The following AZGP1 variants were observed in gnomAD, a reference collection of about 807,000 sequenced individuals.
AZGP1 encodes the protein alpha-2-glycoprotein 1, zinc-binding.
In AZGP1, 28 loss-of-function variants were observed where a neutral mutation model predicts 31.5. That is an observed-to-expected ratio of 0.89 (90% CI 0.66 to 1.22). The LOEUF is 1.22. Ranked by LOEUF, AZGP1 falls within the 50% of genes most tolerant of loss-of-function variation. AZGP1 has a pLI of 0.00. For synonymous variants in AZGP1, 135 were observed against 145.4 expected (o/e 0.93, Z 0.51); for missense variants, 361 against 371.8 (o/e 0.97, Z 0.24).
intron 2 of AZGP1, chr7:99,968,709 T>G (rs1789531787): frequency 2.3e-6 from 1 of 435,860 alleles, no homozygotes. Flanking sequence ...ATGCCTGTAA[T>G]CCCAGCACTT....
At position 99,971,049 on chromosome 7, in the gene AZGP1, TCTAA is replaced by T. The variant is rs1310212558; in HGVS notation, c.337+693_337+696del. Among the ~76,000 whole-genome samples, 7 of 152,304 alleles carry T rather than the reference TCTAA, an allele frequency of 4.6e-5. No individual in the cohort carries two copies. In the South Asian group the frequency reaches 1.2e-3, roughly 27 times the overall value. On this transcript the variant is annotated intron_variant, in intron 2 of 3. Coordinates refer to ENST00000292401, the MANE Select transcript of AZGP1 (RefSeq NM_001185.4). ...GAGGAACTTTAGGGCTCCAAGGAAC[TCTAA>T]CAGCCCACAGTTTTGAATCCAGCAC...
At chr7:99,970,407 C>T (rs533014059) in intron 2 of AZGP1, among the ~76,000 whole-genome samples, 35 of 151,920 alleles carry the variant, frequency 2.3e-4, no homozygotes, top group Non-Finnish European at 4.4e-4. Flanking sequence ...CCATGCCAGG[C>T]TATTTTTGTA....
intron 1 of AZGP1, among the ~76,000 whole-genome samples, chr7:99,974,243 C>T (rs1052873260): frequency 2.6e-5 from 4 of 151,912 alleles, no homozygotes; most frequent in African/African-American, 7.3e-5. Context: ...GAACAAGAAT[C>T]CATCTCAAAA....
chr7:99,968,517 C>A, intron 2 of AZGP1, 87 bp from the exon 3 acceptor site: 2 of 1,522,570 alleles, frequency 1.3e-6, no homozygotes. Context: ...ATTGGGCAAC[C>A]CAAAAGAAAT....
intron 3 of AZGP1, 115 bp downstream of exon 3, chr7:99,968,040 G>A (rs534040497): frequency 2.2e-6 from 3 of 1,337,628 alleles, no homozygotes; most frequent in East Asian, 2.3e-5. Flanking sequence ...GAAAGCTGGG[G>A]GTCTGAGGGA....
At position 99,966,983 on chromosome 7, in the gene AZGP1, T is replaced by C. The variant is rs922305541; in HGVS notation, c.*20A>G. The C allele has an allele frequency of 1.9e-6, 3 of 1,607,814 alleles. No homozygotes were observed. Among genetic ancestry groups the C allele is most frequent in the African/African-American group, 1.3e-5 (1 of 74,908 alleles). Reference sequence around the variant, plus strand: ...CAGCTACTGGGTCTGAGATCCCACATTGCCTCCAACCCTTGCTTCCTAGCT... The same window carrying C: ...CAGCTACTGGGTCTGAGATCCCACACTGCCTCCAACCCTTGCTTCCTAGCT... On this transcript the variant is annotated 3_prime_UTR_variant, in exon 4 of 4. Transcript: ENST00000292401.
At chr7:99,974,221 G>A (rs1789623094) in intron 1 of AZGP1, among the ~76,000 whole-genome samples, 1 of 152,182 alleles carries the variant, frequency 6.6e-6, no homozygotes, top group Admixed American at 6.5e-5. Flanking sequence ...CTGCACTCCA[G>A]CCTGGGTGAC....
Position 99,967,006 on chromosome 7 carries a change from G to C in AZGP1, c.894C>G (p.Ser298Arg), listed in dbSNP as rs140635553. The C allele has an allele frequency of 7.3e-4, 1,175 of 1,611,864 alleles. 9 individuals are homozygous for C. The African/African-American group carries it at 0.014, about 19-fold the overall frequency. ...AQPLVVPWEA[S>R] Reference sequence around the variant, plus strand: ...CATTGCCTCCAACCCTTGCTTCCTAGCTGGCCTCCCAGGGCACCACGAGGG... The same window carrying C: ...CATTGCCTCCAACCCTTGCTTCCTACCTGGCCTCCCAGGGCACCACGAGGG... The change falls in exon 4 of 4, where the codon AGC (serine) becomes AGG (arginine). Residue 298 changes from serine (S) to arginine (R), a missense_variant. By Grantham distance (110) the Ser-to-Arg change is moderately radical. Transcript: ENST00000292401.
At chr7:99,970,242 G>GT (rs953161669) in intron 2 of AZGP1, among the ~76,000 whole-genome samples, 4 of 36,370 alleles carry the variant, frequency 1.1e-4, no homozygotes, top group African/African-American at 2.0e-4. Flanking sequence ...TCCTTTTTTT[G>GT]TTTTTTGTTT....
At position 99,975,151 on chromosome 7, in the gene AZGP1, C is replaced by T. The variant is rs77193173; in HGVS notation, c.76+794G>A. On this transcript the variant is annotated intron_variant, in intron 1 of 3. Transcript: ENST00000292401. Reference sequence around the variant, plus strand: ...TATACAGTGTATGTATGTATGTGTACGTACATATATATGTATATGTGTACC... The same window carrying T: ...TATACAGTGTATGTATGTATGTGTATGTACATATATATGTATATGTGTACC... Among the ~76,000 whole-genome samples the T allele has an allele frequency of 1.9e-3, 293 of 152,024 alleles. 1 individual carries two copies. Among genetic ancestry groups the T allele is most frequent in the African/African-American group, 6.8e-3 (281 of 41,464 alleles).
In AZGP1 at chr7:99,968,200, G is replaced by A; in HGVS notation, c.568C>T (p.Leu190=). 6.2e-7 allele frequency: 1 copy of A among 1,613,862 alleles called. No homozygotes were observed. The highest frequency in any genetic ancestry group is 1.1e-5 in the South Asian group (1 of 91,070). Reference sequence around the variant, plus strand: ...TTGCTGTATTTCAGGTATTTCCGCAGAGTCGCAGGGCACTCCTCCTCCAGG... The same window carrying A: ...TTGCTGTATTTCAGGTATTTCCGCAAAGTCGCAGGGCACTCCTCCTCCAGG... ...AYLEEECPAT[L]RKYLKYSKNI... Residue 190 remains leucine, a synonymous_variant, in exon 3 of 4, where the codon CTG becomes TTG. Coordinates refer to ENST00000292401, the MANE Select transcript of AZGP1 (RefSeq NM_001185.4).
In AZGP1 at chr7:99,967,059, G is replaced by A. The variant is rs761448613; in HGVS notation, c.841C>T (p.His281Tyr). The change falls in exon 4 of 4, where the codon CAC (histidine) becomes TAC (tyrosine). Residue 281 changes from histidine (H) to tyrosine (Y), a missense_variant. His to Tyr is a moderately conservative substitution (Grantham distance 83). Transcript: ENST00000292401. ...TGGGCCAGGCTGCTGTGCTGCACGT[G>A]GCAGGAGTAGGGGGCTGTGTCCTGC... ...PPQDTAPYSC[H>Y]VQHSSLAQPL... 6.2e-7 allele frequency: 1 copy of A among 1,614,176 alleles called. No homozygotes were observed. The highest frequency in any genetic ancestry group is 8.5e-7 in the Non-Finnish European group (1 of 1,180,022).
rs1287385966 is a variant in AZGP1 at position 99,968,263 on chromosome 7, C to T, written c.505G>A (p.Glu169Lys). The change falls in exon 3 of 4, where the codon GAG becomes AAG. Residue 169 changes from glutamate (E) to lysine (K), a missense_variant. Coordinates refer to ENST00000292401, the MANE Select transcript of AZGP1 (RefSeq NM_001185.4). ...CGCTGCACGTAGACTGGTTCTGCCT[C>T]CCACTTCTGCTTGGTTATCTGGGCT... is the stretch of plus-strand genomic sequence containing the variant. ...PAAQITKQKW[E>K]AEPVYVQRAK... 6.2e-7 allele frequency: 1 copy of T among 1,613,752 alleles called. No homozygotes were observed. The highest frequency in any genetic ancestry group is 2.2e-5 in the East Asian group (1 of 44,800).
rs1289451092 is a variant in AZGP1, at chr7:99,976,008, C to T, written c.13G>A (p.Val5Met). ...AGCAGCAGAGACAGCAGGACAGGCA[C>T]CATTCTTACCATTGTGTCTGCTTGG... is the stretch of plus-strand genomic sequence containing the variant. MVRM[V>M]PVLLSLLLLL... The change falls in exon 1 of 4, where the codon GTG (valine) becomes ATG (methionine). Residue 5 changes from valine to methionine, a missense_variant. Val to Met is a conservative substitution (Grantham distance 21). Coordinates refer to ENST00000292401, the MANE Select transcript of AZGP1 (RefSeq NM_001185.4). The T allele has an allele frequency of 6.2e-7, 1 of 1,613,962 alleles. No individual in the cohort carries two copies. Among genetic ancestry groups the T allele is most frequent in the Non-Finnish European group, 8.5e-7 (1 of 1,180,026 alleles).
In AZGP1 at chr7:99,971,877, T is replaced by A; in HGVS notation, c.206A>T (p.Gln69Leu). ...FRYNSKDRKS[Q>L]PMGLWRQVEG... Reference sequence around the variant, plus strand: ...CACCTGTCTCCAGAGTCCCATGGGCTGAGACTTCCTGTCTTTACTGTTGTA... The same window carrying A: ...CACCTGTCTCCAGAGTCCCATGGGCAGAGACTTCCTGTCTTTACTGTTGTA... Residue 69 changes from glutamine to leucine, a missense_variant, in exon 2 of 4, where the codon CAG becomes CTG. Gln to Leu is a moderately radical substitution (Grantham distance 113, BLOSUM62 -2). Transcript: ENST00000292401. 1 of 1,614,182 alleles carries A rather than the reference T, an allele frequency of 6.2e-7. No individual in the cohort carries two copies. The highest frequency in any genetic ancestry group is 8.5e-7 in the Non-Finnish European group (1 of 1,180,020).
chr7:99,968,036 T>C, intron 3 of AZGP1, 119 bp downstream of exon 3: 2 of 1,319,176 alleles, frequency 1.5e-6, no homozygotes, highest in Non-Finnish European at 2.1e-6. Flanking sequence ...AGATGAAAGC[T>C]GGGGGTCTGA....
In AZGP1 at chr7:99,966,782, G is replaced by A. The variant is rs553655786; in HGVS notation, c.*221C>T. 35 of 617,286 alleles carry A rather than the reference G, an allele frequency of 5.7e-5. No homozygotes were observed. The African/African-American group carries it at 5.9e-4, about 10-fold the overall frequency. The allele number at this position is 617,286 out of a possible 1,614,324, so 38.2% of individuals were successfully genotyped here. On this transcript the variant is annotated 3_prime_UTR_variant, in exon 4 of 4. Transcript: ENST00000292401. ...TTAGCTTCTACAGATTAGACAATGG[G>A]GTGGGGGTGGGCTCAAGGTGAGATG...
chr7:99,970,738 G>C (rs1789563721), intron 2 of AZGP1, among the ~76,000 whole-genome samples: 1 of 152,026 alleles, frequency 6.6e-6, no homozygotes, highest in East Asian at 1.9e-4. Flanking sequence ...CCACATCCTT[G>C]AAACATCTGC....
intron 3 of AZGP1, chr7:99,967,534 A>G (rs1789504721): frequency 1.8e-6 from 1 of 556,396 alleles, no homozygotes; most frequent in South Asian, 2.1e-5. Context: ...GTGCTTCTCC[A>G]TGTTTTCCCA....
Sources: allele counts gnomAD v4.1 joint callset (sites outside exome capture counted in the v4.1 genomes callset), GRCh38; gene constraint gnomAD v4.1.1; transcripts MANE v1.5; gene names NCBI Gene and HGNC (gene_info 2026-07-23, HGNC 2026-07-21).